TNIK: variants seen among roughly 807,000 people sequenced by gnomAD.
The protein encoded by TNIK is TRAF2 and NCK-interacting protein kinase.
Under a neutral mutation model 191.3 loss-of-function variants are expected in TNIK, and 49 were observed. The observed-to-expected ratio is 0.26, with a 90% CI of 0.20 to 0.32. The LOEUF (loss-of-function observed/expected upper bound fraction) is 0.32, where lower values mean the gene tolerates loss of function less well. Among genes scored for constraint, TNIK ranks in the 10% least tolerant of loss-of-function variants. The pLI is 1.00. For missense variants in TNIK, 1,155 were observed against 1,702.3 expected, an observed-to-expected ratio of 0.68 and a Z score of 5.66; for synonymous variants, 594 against 600.9, an observed-to-expected ratio of 0.99 and a Z score of 0.17.
chr3:171,399,630 T>A (rs1342166551), intron 1 of TNIK, among the ~76,000 whole-genome samples: 1 of 152,148 alleles, frequency 6.6e-6, no homozygotes, highest in Non-Finnish European at 1.5e-5. Context: ...TTGATAAGAA[T>A]TTTTTATGGC....
At chr3:171,293,344 C>T (rs1474011971) in intron 2 of TNIK, among the ~76,000 whole-genome samples, 1 of 152,246 alleles carries the variant, frequency 6.6e-6, no homozygotes, top group Non-Finnish European at 1.5e-5. Flanking sequence ...AGCTCATCCT[C>T]AAGCCTCCAG....
chr3:171,323,010 T>C (rs1181732338), intron 2 of TNIK, among the ~76,000 whole-genome samples: 2 of 152,150 alleles, frequency 1.3e-5, no homozygotes. Context: ...GAAAGTTGTA[T>C]GAAATTTACA....
intron 9 of TNIK, among the ~76,000 whole-genome samples, chr3:171,171,795 C>T (rs145007859): frequency 7.2e-5 from 11 of 152,278 alleles, no homozygotes; most frequent in East Asian, 3.9e-4. Flanking sequence ...GTGGAATCTA[C>T]GCACGCACAA....
At chr3:171,066,103 A>G in intron 32 of TNIK, 84 bp downstream of exon 32, 1 of 1,524,406 alleles carries the variant, frequency 6.6e-7, no homozygotes, top group Admixed American at 1.8e-5. Context: ...GATTCAAATC[A>G]GTATAAAGGA....
chr3:171,139,024 G>A (rs1730415351), intron 14 of TNIK, among the ~76,000 whole-genome samples: 1 of 152,152 alleles, frequency 6.6e-6, no homozygotes, highest in Non-Finnish European at 1.5e-5. Flanking sequence ...CATCGTAAGG[G>A]TAAAGCTAAT....
intron 21 of TNIK, among the ~76,000 whole-genome samples, chr3:171,104,757 A>G (rs983766328): frequency 3.9e-5 from 6 of 152,136 alleles, no homozygotes; most frequent in African/African-American, 1.2e-4. Flanking sequence ...AACTCTAAAG[A>G]TATGACATTG....
chr3:171,136,546 G>T (rs1187287121), intron 15 of TNIK, among the ~76,000 whole-genome samples: 4 of 152,146 alleles, frequency 2.6e-5, no homozygotes, highest in Non-Finnish European at 5.9e-5. Flanking sequence ...AATAGGACAA[G>T]CTCGTCCATC....
chr3:171,363,400 A>T (rs368606230), intron 2 of TNIK, among the ~76,000 whole-genome samples: 1 of 152,348 alleles, frequency 6.6e-6, no homozygotes, highest in South Asian at 2.1e-4. Context: ...TAAGAGTAGG[A>T]ACCTCCTCAG....
At position 171,103,462 on chromosome 3, in the gene TNIK, T is replaced by C. The variant is rs114492745; in HGVS notation, c.2407-1829A>G. 1.7e-3 allele frequency among the ~76,000 whole-genome samples: 253 copies of C among 152,194 alleles called. 1 individual carries two copies. Among genetic ancestry groups the C allele is most frequent in the African/African-American group, 5.8e-3 (240 of 41,538 alleles). ...ATTGTCAATGCTTATCTTTATCAAA[T>C]GAAGAAGAAAGTGAAGGGTATGCTA... On this transcript the variant is annotated intron_variant, in intron 21 of 32. Coordinates refer to ENST00000436636, the MANE Select transcript of TNIK (RefSeq NM_015028.4).
chr3:171,285,181 A>G (rs1330743802), intron 2 of TNIK, among the ~76,000 whole-genome samples: 1 of 152,240 alleles, frequency 6.6e-6, no homozygotes, highest in Non-Finnish European at 1.5e-5. Context: ...ATCTGTCTTC[A>G]TTCATAAAAT....
chr3:171,430,063 C>G (rs1382969300), intron 1 of TNIK, among the ~76,000 whole-genome samples: 1 of 152,156 alleles, frequency 6.6e-6, no homozygotes, highest in Non-Finnish European at 1.5e-5. Context: ...ATTTCACAAG[C>G]TCCCCAGGTA....
chr3:171,144,588 C>T (rs1179925585), intron 12 of TNIK, among the ~76,000 whole-genome samples: 2 of 149,508 alleles, frequency 1.3e-5, no homozygotes, highest in Non-Finnish European at 3.0e-5. Flanking sequence ...GTGTAATTAG[C>T]ATATCTACCA....
At chr3:171,305,531 A>G (rs1040427087) in intron 2 of TNIK, among the ~76,000 whole-genome samples, 1 of 152,156 alleles carries the variant, frequency 6.6e-6, no homozygotes, top group Non-Finnish European at 1.5e-5. Flanking sequence ...AACACAAACA[A>G]TCCCATTAAA....
At chr3:171,125,212 T>C (rs535057001) in intron 17 of TNIK, among the ~76,000 whole-genome samples, 13 of 152,348 alleles carry the variant, frequency 8.5e-5, no homozygotes, top group African/African-American at 2.9e-4. Flanking sequence ...AAAATGTCTC[T>C]AGTATTTTGA....
intron 10 of TNIK, 74 bp from the exon 11 acceptor site, chr3:171,161,410 A>G (rs919233537): frequency 7.7e-7 from 1 of 1,306,084 alleles, no homozygotes; most frequent in Non-Finnish European, 1.1e-6. Context: ...CGTCTCTTAT[A>G]TATAAATAAA....
At chr3:171,194,482 T>C (rs764780400) in intron 5 of TNIK, 43 bp downstream of exon 5, 2 of 1,550,730 alleles carry the variant, frequency 1.3e-6, no homozygotes, top group South Asian at 1.1e-5. Flanking sequence ...CATGTGTTGC[T>C]TGAAGACTTT....
chr3:171,400,578 A>ATAAATAAATAAATAAATAAATAAT (rs1262415672), intron 1 of TNIK, among the ~76,000 whole-genome samples: 5 of 151,870 alleles, frequency 3.3e-5, no homozygotes, highest in African/African-American at 1.2e-4. Flanking sequence ...CTCACAATAA[A>ATAAATAAATAAATAAATAAATAAT]TAAATAAATA....
At chr3:171,152,039 G>T (rs1159545934) in intron 12 of TNIK, among the ~76,000 whole-genome samples, 2 of 152,146 alleles carry the variant, frequency 1.3e-5, no homozygotes, top group African/African-American at 4.8e-5. Flanking sequence ...CCAGCACTCT[G>T]GGAGACCGAG....
chr3:171,200,931 T>C (rs908530320), intron 4 of TNIK, among the ~76,000 whole-genome samples: 7 of 152,114 alleles, frequency 4.6e-5, no homozygotes, highest in African/African-American at 1.7e-4. Flanking sequence ...AACTAATTCC[T>C]CCCAAATGTC....
Sources: allele counts gnomAD v4.1 joint callset (sites outside exome capture counted in the v4.1 genomes callset), GRCh38; gene constraint gnomAD v4.1.1; transcripts MANE v1.5; gene names NCBI Gene and HGNC (gene_info 2026-07-23, HGNC 2026-07-21).